Variants in FAM185A observed in about 807,000 individuals in gnomAD.
FAM185A encodes family with sequence similarity 185 member A.
In FAM185A, 21 loss-of-function variants were observed where a neutral mutation model predicts 45.7. The observed-to-expected ratio is 0.46, with a 90% CI of 0.33 to 0.66. The LOEUF (loss-of-function observed/expected upper bound fraction) is 0.66. Among genes scored for constraint, FAM185A ranks in the 30% least tolerant of loss-of-function variants. The probability of loss-of-function intolerance (pLI) is 0.03; values close to 1 mark genes in which losing one functional copy is unlikely to be tolerated. For synonymous variants in FAM185A, 117 were observed against 194.0 expected (o/e 0.60, Z 3.30); for missense variants, 305 against 485.4 (o/e 0.63, Z 3.49).
intron 3 of FAM185A, among the ~76,000 whole-genome samples, chr7:102,760,882 CTT>C (rs1326656089): frequency 6.6e-6 from 1 of 152,088 alleles, no homozygotes; most frequent in Non-Finnish European, 1.5e-5. Context: ...GGATTAGTGA[CTT>C]TAGTGAAGTT....
At chr7:102,787,265 C>G (rs972897675) in intron 6 of FAM185A, 70 bp from the exon 7 acceptor site, 32 of 1,170,632 alleles carry the variant, frequency 2.7e-5, no homozygotes, top group East Asian at 2.9e-5. Flanking sequence ...CCCTGTCAGT[C>G]AAATTTATAA....
chr7:102,756,531 C>G (rs540786472), intron 2 of FAM185A, among the ~76,000 whole-genome samples: 2 of 152,080 alleles, frequency 1.3e-5, no homozygotes, highest in South Asian at 2.1e-4. Context: ...ATGGCATACG[C>G]TTGTAGTCCC....
At chr7:102,799,683 G>C (rs1472940201) in intron 7 of FAM185A, among the ~76,000 whole-genome samples, 2 of 152,304 alleles carry the variant, frequency 1.3e-5, no homozygotes, top group East Asian at 3.9e-4. Flanking sequence ...AGCGTAATAA[G>C]ACTACGTATC....
intron 1 of FAM185A, among the ~76,000 whole-genome samples, chr7:102,751,205 T>G (rs1793342291): frequency 6.6e-6 from 1 of 152,228 alleles, no homozygotes; most frequent in African/African-American, 2.4e-5. Flanking sequence ...CATGAGCCAC[T>G]GCTCATGGCC....
chr7:102,801,412 T>C (rs1796782484), intron 7 of FAM185A, among the ~76,000 whole-genome samples: 1 of 151,808 alleles, frequency 6.6e-6, no homozygotes, highest in South Asian at 2.1e-4. Flanking sequence ...CGAATGTAAA[T>C]GGCCTAAATG....
At chr7:102,775,219 T>C (rs62484896) in intron 5 of FAM185A, among the ~76,000 whole-genome samples, 4,918 of 104,154 alleles carry the variant, frequency 0.047, no homozygotes, top group Non-Finnish European at 0.076. Flanking sequence ...TTAGCAAATA[T>C]CAAGTTTACA....
the FAM185A span, among the ~76,000 whole-genome samples, chr7:102,815,100 A>G: frequency 6.6e-6 from 1 of 152,168 alleles, no homozygotes; most frequent in South Asian, 2.1e-4. Flanking sequence ...TGTAACAAAC[A>G]GCAAGGCTCC....
intron 7 of FAM185A, among the ~76,000 whole-genome samples, chr7:102,801,741 A>G (rs1796803712): frequency 6.6e-6 from 1 of 152,160 alleles, no homozygotes; most frequent in South Asian, 2.1e-4. Flanking sequence ...CCTGGCCAAT[A>G]TGGTGAAACC....
chr7:102,835,701 C>T, the FAM185A span, among the ~76,000 whole-genome samples: 2 of 137,666 alleles, frequency 1.5e-5, no homozygotes, highest in Non-Finnish European at 3.0e-5. Context: ...GCTCCGCCTC[C>T]CGGGTTCACG....
chr7:102,769,958 G>T (rs573308399), intron 4 of FAM185A, among the ~76,000 whole-genome samples: 23 of 152,094 alleles, frequency 1.5e-4, no homozygotes, highest in African/African-American at 5.5e-4. Flanking sequence ...ACCTCCCAAA[G>T]GTCCCACCTC....
At chr7:102,771,895 C>A (rs1328335190) in intron 4 of FAM185A, among the ~76,000 whole-genome samples, 5 of 152,064 alleles carry the variant, frequency 3.3e-5, no homozygotes, top group African/African-American at 1.2e-4. Flanking sequence ...GTTAGTCATA[C>A]CTCCATGTAT....
intron 7 of FAM185A, among the ~76,000 whole-genome samples, chr7:102,796,338 G>A (rs1796435851): frequency 6.6e-6 from 1 of 152,246 alleles, no homozygotes. Flanking sequence ...ATCCGCAGGA[G>A]CAATTTGGGG....
chr7:102,818,908 G>A, the FAM185A span, among the ~76,000 whole-genome samples: 3 of 152,056 alleles, frequency 2.0e-5, no homozygotes, highest in Admixed American at 1.3e-4. Context: ...CAGGTATTAA[G>A]CCCAGTATCT....
chr7:102,807,902 T>C (rs1797223881), intron 7 of FAM185A, among the ~76,000 whole-genome samples: 1 of 151,848 alleles, frequency 6.6e-6, no homozygotes, highest in African/African-American at 2.4e-5. Context: ...CTACCAAAAA[T>C]ACAAAAAAAT....
chr7:102,818,153 C>G, the FAM185A span, among the ~76,000 whole-genome samples: 135 of 152,328 alleles, frequency 8.9e-4, 5 homozygotes, highest in East Asian at 0.026. Context: ...CCAAGGACTG[C>G]TCATAATCCA....
chr7:102,783,737 A>G (rs1230456785), intron 6 of FAM185A, among the ~76,000 whole-genome samples: 1 of 152,188 alleles, frequency 6.6e-6, no homozygotes, highest in African/African-American at 2.4e-5. Context: ...AGCAGGAAAG[A>G]TCTAAAATTG....
chr7:102,772,515 C>T, intron 5 of FAM185A, 65 bp downstream of exon 5: 1 of 1,002,242 alleles, frequency 1.0e-6, no homozygotes, highest in Non-Finnish European at 1.4e-6. Flanking sequence ...TTTGTGATGA[C>T]TTTATTAGAA....
chr7:102,753,911 C>G (rs2539366), intron 2 of FAM185A, among the ~76,000 whole-genome samples: 101,118 of 150,642 alleles, frequency 0.67, 34,855 homozygotes, highest in Middle Eastern at 0.8. Flanking sequence ...CAAGAAATAA[C>G]AGAAATCATG....
chr7:102,796,339 C>A (rs1448013629), intron 7 of FAM185A, among the ~76,000 whole-genome samples: 3 of 152,214 alleles, frequency 2.0e-5, no homozygotes, highest in Non-Finnish European at 4.4e-5. Context: ...TCCGCAGGAG[C>A]AATTTGGGGA....
Sources: allele counts gnomAD v4.1 joint callset (sites outside exome capture counted in the v4.1 genomes callset), GRCh38; gene constraint gnomAD v4.1.1; transcripts MANE v1.5; gene names NCBI Gene and HGNC (gene_info 2026-07-23, HGNC 2026-07-21).